KCNIP4: variants seen among roughly 807,000 people sequenced by gnomAD.
The protein encoded by KCNIP4 is potassium voltage-gated channel interacting protein 4.
A neutral mutation model predicts 34.0 loss-of-function variants in KCNIP4; 12 were observed. That is an observed-to-expected ratio of 0.35 (90% CI 0.23 to 0.57). The LOEUF (loss-of-function observed/expected upper bound fraction) is 0.57, where lower values mean the gene tolerates loss of function less well. Ranked by LOEUF, KCNIP4 falls within the 20% of genes least tolerant of loss-of-function variation. The pLI, the probability that KCNIP4 is intolerant of heterozygous loss-of-function variation, is 0.83. For synonymous variants in KCNIP4, 124 were observed against 102.2 expected (o/e 1.21, Z -1.29); for missense variants, 238 against 311.7 (o/e 0.76, Z 1.78).
chr4:21,366,399 C>T (rs1719769894), intron 1 of KCNIP4, among the ~76,000 whole-genome samples: 1 of 152,088 alleles, frequency 6.6e-6, no homozygotes, highest in African/African-American at 2.4e-5. Context: ...TCTTTGCAGC[C>T]CTGTCTTCAG....
At chr4:20,767,826 G>GA (rs201063132) in intron 3 of KCNIP4, among the ~76,000 whole-genome samples, 79 of 151,142 alleles carry the variant, frequency 5.2e-4, no homozygotes, top group African/African-American at 1.4e-3. Context: ...CATTTCATAG[G>GA]AAAAAAAAAC....
intron 1 of KCNIP4, among the ~76,000 whole-genome samples, chr4:21,879,026 C>G (rs976886253): frequency 2.1e-4 from 32 of 152,048 alleles, no homozygotes; most frequent in African/African-American, 7.7e-4. Context: ...TGTTTTGTAT[C>G]CTTAGATTAT....
Position 21,224,904 on chromosome 4 carries a change from C to T in KCNIP4, c.62-342195G>A, listed in dbSNP as rs570032805. On this transcript the variant is annotated intron_variant, in intron 1 of 8. Transcript: ENST00000382152. Reference sequence around the variant, plus strand: ...ACCTGGCCCCAATTTTTCAACTTTACGATGATGCAAAACCATCACAATTTT... The same window carrying T: ...ACCTGGCCCCAATTTTTCAACTTTATGATGATGCAAAACCATCACAATTTT... Among the ~76,000 whole-genome samples the T allele has an allele frequency of 3.9e-5, 6 of 151,952 alleles. No homozygotes were observed. The South Asian group carries it at 8.3e-4, about 21-fold the overall frequency.
chr4:21,843,036 ATGTT>A (rs1425955979), intron 1 of KCNIP4, among the ~76,000 whole-genome samples: 1 of 152,098 alleles, frequency 6.6e-6, no homozygotes, highest in East Asian at 1.9e-4. Flanking sequence ...CAGAAAATAA[ATGTT>A]TTGCTTTATA....
At chr4:21,287,377 T>G (rs1763185740) in intron 1 of KCNIP4, among the ~76,000 whole-genome samples, 1 of 152,176 alleles carries the variant, frequency 6.6e-6, no homozygotes, top group Admixed American at 6.5e-5. Flanking sequence ...CCATATCTCA[T>G]AATTATTATG....
intron 3 of KCNIP4, among the ~76,000 whole-genome samples, chr4:20,785,957 C>G (rs753873475): frequency 1.1e-4 from 16 of 151,962 alleles, no homozygotes; most frequent in Non-Finnish European, 2.1e-4. Context: ...GGTATATACC[C>G]AGAGGAAAAT....
chr4:21,706,455 A>G, intron 1 of KCNIP4, among the ~76,000 whole-genome samples: 1 of 152,212 alleles, frequency 6.6e-6, no homozygotes, highest in East Asian at 1.9e-4. Context: ...TAAGTTACAG[A>G]AGGACAAAGA....
chr4:21,923,747 T>C (rs1729075125), intron 1 of KCNIP4, among the ~76,000 whole-genome samples: 1 of 152,216 alleles, frequency 6.6e-6, no homozygotes, highest in South Asian at 2.1e-4. Flanking sequence ...ATTCACTGCC[T>C]CTGCTGGCTA....
chr4:20,927,107 T>G (rs1362686443), intron 1 of KCNIP4, among the ~76,000 whole-genome samples: 2 of 152,012 alleles, frequency 1.3e-5, no homozygotes, highest in Non-Finnish European at 2.9e-5. Flanking sequence ...GCCTCCGGAG[T>G]AGCTGAAACT....
rs530680988 is a variant in KCNIP4 at position 20,786,218 on chromosome 4, C to T, written c.289-27328G>A. Among the ~76,000 whole-genome samples, 8 of 152,242 alleles carry T rather than the reference C, an allele frequency of 5.3e-5. No homozygotes were observed. In the East Asian group the frequency reaches 1.4e-3, roughly 26 times the overall value. On this transcript the variant is annotated intron_variant, in intron 3 of 8. Transcript: ENST00000382152. ...AACAGAAAACCAAATACTGCATGTA[C>T]TCACTTATACATGAGAGTTAAGGCT...
chr4:21,172,928 T>G (rs1436809200), intron 1 of KCNIP4, among the ~76,000 whole-genome samples: 1 of 152,180 alleles, frequency 6.6e-6, no homozygotes, highest in African/African-American at 2.4e-5. Flanking sequence ...CAGATGATTC[T>G]TGGTCAAGTT....
chr4:21,094,242 GC>G (rs1472414604), intron 1 of KCNIP4, among the ~76,000 whole-genome samples: 1 of 152,120 alleles, frequency 6.6e-6, no homozygotes, highest in African/African-American at 2.4e-5. Flanking sequence ...GAGGAATAGT[GC>G]TTTTCTGCAT....
chr4:21,213,787 C>G (rs930404571), intron 1 of KCNIP4, among the ~76,000 whole-genome samples: 2 of 152,174 alleles, frequency 1.3e-5, no homozygotes, highest in African/African-American at 4.8e-5. Flanking sequence ...GCTCCTCTCT[C>G]CACACACAAC....
intron 1 of KCNIP4, among the ~76,000 whole-genome samples, chr4:21,621,790 A>AT (rs1745014765): frequency 6.6e-6 from 1 of 152,200 alleles, no homozygotes; most frequent in Non-Finnish European, 1.5e-5. Flanking sequence ...GGTACATTAT[A>AT]TAAAAGAAAT....
At position 21,442,032 on chromosome 4, in the gene KCNIP4, C is replaced by G. The variant is rs768145916; in HGVS notation, c.61+506539G>C. ...ACTTTCCACTGCTTAATTATTTATG[C>G]TGATTTTCGTTTTGTGTTGTGTTGT... On this transcript the variant is annotated intron_variant, in intron 1 of 8. Transcript: ENST00000382152. 1.1e-4 allele frequency among the ~76,000 whole-genome samples: 17 copies of G among 152,104 alleles called. 1 individual carries two copies. The highest frequency in any genetic ancestry group is 2.9e-5 in the Non-Finnish European group (2 of 68,024).
chr4:20,931,373 G>A (rs755215595), intron 1 of KCNIP4, among the ~76,000 whole-genome samples: 14 of 152,002 alleles, frequency 9.2e-5, no homozygotes, highest in South Asian at 2.1e-4. Flanking sequence ...GATATGTTCC[G>A]AAAAACGCAA....
rs1247738477 is a variant in KCNIP4, at chr4:20,732,740, A to T, written c.583T>A (p.Cys195Ser). 3 of 1,612,670 alleles carry T rather than the reference A, an allele frequency of 1.9e-6. No individual in the cohort carries two copies. The highest frequency in any genetic ancestry group is 2.5e-6 in the Non-Finnish European group (3 of 1,179,046). ...MKAIYDMMGK[C>S]TYPVLKEDAP... Reference sequence around the variant, plus strand: ...TCTTCTTTGAGGACAGGATATGTACATTTACCCATCATATCGTATATTGCT... The same window carrying T: ...TCTTCTTTGAGGACAGGATATGTACTTTTACCCATCATATCGTATATTGCT... The change falls in exon 7 of 9, where the codon TGT becomes AGT. Residue 195 changes from cysteine (C) to serine (S), a missense_variant. Transcript: ENST00000382152.
intron 1 of KCNIP4, among the ~76,000 whole-genome samples, chr4:21,706,336 T>A (rs888233393): frequency 1.3e-5 from 2 of 152,108 alleles, no homozygotes; most frequent in African/African-American, 4.8e-5. Flanking sequence ...TTCCTAACAG[T>A]AAAGTTACAG....
intron 1 of KCNIP4, among the ~76,000 whole-genome samples, chr4:21,895,814 C>A (rs138928034): frequency 6.2e-4 from 94 of 152,300 alleles, no homozygotes; most frequent in African/African-American, 2.2e-3. Context: ...TTCCCCTGTA[C>A]TCTCCCAATT....
Sources: allele counts gnomAD v4.1 joint callset (sites outside exome capture counted in the v4.1 genomes callset), GRCh38; gene constraint gnomAD v4.1.1; transcripts MANE v1.5; gene names NCBI Gene and HGNC (gene_info 2026-07-23, HGNC 2026-07-21).